Variants in SPAG17 observed in about 807,000 individuals in gnomAD.
SPAG17 encodes sperm-associated antigen 17.
A neutral mutation model predicts 273.6 loss-of-function variants in SPAG17; 169 were observed. The observed-to-expected ratio is 0.62, with a 90% CI of 0.55 to 0.70. The LOEUF (loss-of-function observed/expected upper bound fraction) is 0.70. Among genes scored for constraint, SPAG17 ranks in the 30% least tolerant of loss-of-function variants. The probability of loss-of-function intolerance (pLI) is 0.00; values close to 1 mark genes in which losing one functional copy is unlikely to be tolerated. For synonymous variants in SPAG17, 825 were observed against 873.2 expected (o/e 0.94, Z 0.97); for missense variants, 2,557 against 2,627.8 (o/e 0.97, Z 0.59).
Position 118,086,678 on chromosome 1 carries a change from G to A in SPAG17, c.1604C>T (p.Ala535Val), listed in dbSNP as rs767642982. 5.6e-6 allele frequency: 9 copies of A among 1,613,728 alleles called. No individual in the cohort carries two copies. Among genetic ancestry groups the A allele is most frequent in the Admixed American group, 1.7e-5 (1 of 59,994 alleles). The change falls in exon 12 of 49, where the codon GCA (alanine) becomes GTA (valine). Residue 535 changes from alanine (A) to valine (V), a missense_variant. Ala to Val is a moderately conservative substitution (Grantham distance 64). Transcript: ENST00000336338. ...YHDAHAHKKYALQDQKNFDPV... is the reference protein window; with the variant it reads ...YHDAHAHKKYVLQDQKNFDPV... ...TAACCTGATTATTATTACCTGTAGT[G>A]CGTACTTCTTGTGGGCGTGTGCATC...
chr1:117,959,017 T>A, intron 48 of SPAG17: 1 of 1,612,046 alleles, frequency 6.2e-7, no homozygotes, highest in Non-Finnish European at 8.5e-7. Flanking sequence ...AGTGTCTTTG[T>A]ATAGAGATAA....
intron 7 of SPAG17, among the ~76,000 whole-genome samples, chr1:118,095,535 C>T (rs1655656157): frequency 6.6e-6 from 1 of 152,164 alleles, no homozygotes; most frequent in Non-Finnish European, 1.5e-5. Context: ...GTAGCCAGGC[C>T]TTGGCCCAAA....
rs191932400 is a variant in SPAG17, at chr1:118,022,766, T to C, written c.4069+538A>G. Among the ~76,000 whole-genome samples, 451 of 152,288 alleles carry C rather than the reference T, an allele frequency of 3.0e-3. 14 individuals are homozygous for C. The highest frequency in any genetic ancestry group is 5.0e-4 in the Non-Finnish European group (34 of 68,010). On this transcript the variant is annotated intron_variant, in intron 28 of 48. Coordinates refer to ENST00000336338, the MANE Select transcript of SPAG17 (RefSeq NM_206996.4). ...TGTCAGATACTTGTTTTTCTAATCT[T>C]GGTCCCCAGCCAGGTCTAGTCAATG...
intron 15 of SPAG17, among the ~76,000 whole-genome samples, chr1:118,074,904 T>C (rs976927321): frequency 6.6e-6 from 1 of 152,256 alleles, no homozygotes; most frequent in Non-Finnish European, 1.5e-5. Flanking sequence ...ACCTTTATCT[T>C]TAAAAGTTGT....
chr1:118,167,401 T>C (rs1200668290), intron 1 of SPAG17, among the ~76,000 whole-genome samples: 2 of 152,184 alleles, frequency 1.3e-5, no homozygotes, highest in African/African-American at 4.8e-5. Flanking sequence ...AGAACATGCC[T>C]CCAGTTGTGA....
intron 3 of SPAG17, among the ~76,000 whole-genome samples, chr1:118,145,471 A>C (rs1418653152): frequency 6.6e-6 from 1 of 152,212 alleles, no homozygotes; most frequent in African/African-American, 2.4e-5. Context: ...AATCTGAGGC[A>C]CTAGCATAGT....
At chr1:118,008,224 A>T (rs757105550) in intron 30 of SPAG17, 26 bp from the exon 31 acceptor site, 1 of 1,612,026 alleles carries the variant, frequency 6.2e-7, no homozygotes, top group Non-Finnish European at 8.5e-7. Context: ...AGGTAAGCAG[A>T]TCTGATAGGA....
At chr1:118,047,781 C>T (rs147016244) in intron 20 of SPAG17, among the ~76,000 whole-genome samples, 1 of 152,066 alleles carries the variant, frequency 6.6e-6, no homozygotes, top group South Asian at 2.1e-4. Context: ...CCTCCAGGAA[C>T]CCCCGGCACC....
intron 34 of SPAG17, among the ~76,000 whole-genome samples, chr1:117,996,147 C>G (rs574165879): frequency 6.6e-6 from 1 of 152,162 alleles, no homozygotes; most frequent in South Asian, 2.1e-4. Context: ...CGTATGCAGA[C>G]TGGTGCTCAG....
At chr1:118,175,171 C>T (rs1340908354) in intron 1 of SPAG17, among the ~76,000 whole-genome samples, 1 of 152,156 alleles carries the variant, frequency 6.6e-6, no homozygotes. Context: ...GCTGGGACTA[C>T]AGGCACGCAC....
chr1:118,018,281 G>C, intron 28 of SPAG17, among the ~76,000 whole-genome samples: 1 of 152,208 alleles, frequency 6.6e-6, no homozygotes, highest in Middle Eastern at 3.4e-3. Context: ...GAAATCATTC[G>C]TGTCCTTTCC....
chr1:118,068,756 G>T (rs1653247464), intron 17 of SPAG17, among the ~76,000 whole-genome samples: 1 of 152,126 alleles, frequency 6.6e-6, no homozygotes, highest in Non-Finnish European at 1.5e-5. Flanking sequence ...AAATAGATAA[G>T]ATTTTCCTCT....
intron 3 of SPAG17, among the ~76,000 whole-genome samples, chr1:118,145,614 T>C (rs531390590): frequency 6.6e-6 from 1 of 152,134 alleles, no homozygotes; most frequent in Non-Finnish European, 1.5e-5. Flanking sequence ...GTCTCCCGGT[T>C]GCAATAGAAA....
In SPAG17 at chr1:117,983,856, C is replaced by T. The variant is rs775277187; in HGVS notation, c.5827G>A (p.Asp1943Asn). 1.2e-5 allele frequency: 20 copies of T among 1,612,422 alleles called. No homozygotes were observed. In the South Asian group the frequency reaches 1.4e-4, roughly 12 times the overall value. ...TCTTGAACAGCTGTTTCGTTTGCAT[C>T]TTCATTTTTCTTTGTAAAAGAAGGC... ...KLPSFTKKNE[D>N]ANETAVQDTS... Residue 1943 changes from aspartate (D) to asparagine (N), a missense_variant, in exon 42 of 49, where the codon GAT becomes AAT. Asp to Asn is a conservative substitution (Grantham distance 23, BLOSUM62 1). Transcript: ENST00000336338.
intron 1 of SPAG17, among the ~76,000 whole-genome samples, chr1:118,167,556 T>C (rs1660231678): frequency 6.6e-6 from 1 of 152,204 alleles, no homozygotes; most frequent in Admixed American, 6.5e-5. Context: ...TTATATACTA[T>C]GTGTATTAAA....
chr1:117,955,372 T>TG (rs1244392414), intron 48 of SPAG17: 1 of 1,610,800 alleles, frequency 6.2e-7, no homozygotes. Context: ...AGTGAGTCCT[T>TG]GCGCACAATT....
intron 35 of SPAG17, among the ~76,000 whole-genome samples, chr1:117,993,910 A>G (rs977291890): frequency 1.3e-5 from 2 of 152,194 alleles, no homozygotes; most frequent in Admixed American, 6.6e-5. Context: ...CATAATTACA[A>G]TGTTTACTTT....
intron 12 of SPAG17, 136 bp from the exon 13 acceptor site, chr1:118,086,208 C>T (rs1654981903): frequency 1.5e-5 from 13 of 867,216 alleles, no homozygotes; most frequent in Admixed American, 1.3e-4. Flanking sequence ...TTGGGAAAGA[C>T]AAACTTTTGG....
chr1:118,137,343 C>T (rs531572195), intron 3 of SPAG17, among the ~76,000 whole-genome samples: 37 of 152,290 alleles, frequency 2.4e-4, no homozygotes, highest in Middle Eastern at 3.4e-3. Context: ...GAATGTCTTT[C>T]CATATGAATT....
Sources: allele counts gnomAD v4.1 joint callset (sites outside exome capture counted in the v4.1 genomes callset), GRCh38; gene constraint gnomAD v4.1.1; transcripts MANE v1.5; gene names NCBI Gene and HGNC (gene_info 2026-07-23, HGNC 2026-07-21).